Variants in LYPLA2 observed in about 807,000 individuals in gnomAD.
LYPLA2 encodes acyl-protein thioesterase 2.
LYPLA2 carries 7 observed loss-of-function variants against 30.3 expected under a neutral mutation model. The ratio of observed to expected loss-of-function variants is 0.23; its 90% CI spans 0.13 to 0.43. The LOEUF (loss-of-function observed/expected upper bound fraction) is 0.43, where lower values mean the gene tolerates loss of function less well. Ranked by LOEUF, LYPLA2 falls within the 20% of genes least tolerant of loss-of-function variation. The pLI is 1.00. For missense variants in LYPLA2, 206 were observed against 307.9 expected, an observed-to-expected ratio of 0.67 and a Z score of 2.48; for synonymous variants, 112 against 118.2, an observed-to-expected ratio of 0.95 and a Z score of 0.34.
At chr1:23,792,277 G>C (rs989188666) in intron 1 of LYPLA2, among the ~76,000 whole-genome samples, 1 of 152,080 alleles carries the variant, frequency 6.6e-6, no homozygotes, top group African/African-American at 2.4e-5. Flanking sequence ...GGGACCCAGG[G>C]ATGATTGGAG....
chr1:23,793,808 C>T lies in LYPLA2; in HGVS notation c.225-52C>T. ...ACGAGGACACTTGGGCTGAGGGAGC[C>T]ACAGGGGGCTGGCTGGGGTTTTCTA... On this transcript the variant is annotated intron_variant, in intron 5 of 9. Coordinates refer to ENST00000374514, the MANE Select transcript of LYPLA2 (RefSeq NM_007260.3). The surrounding 1 kb of genome is among the most constrained non-coding windows in gnomAD (Gnocchi z 6.0). 6.2e-7 allele frequency: 1 copy of T among 1,611,712 alleles called. No homozygotes were observed. Among genetic ancestry groups the T allele is most frequent in the Non-Finnish European group, 8.5e-7 (1 of 1,177,828 alleles).
chr1:23,793,313 G>GGGGCTT lies in LYPLA2; in HGVS notation c.176+103_176+108dup. On this transcript the variant is annotated intron_variant, in intron 4 of 9. Coordinates refer to ENST00000374514, the MANE Select transcript of LYPLA2 (RefSeq NM_007260.3). The surrounding 1 kb of genome is among the most constrained non-coding windows in gnomAD (Gnocchi z 6.0). ...TGTTCTCTCCTGTCAGTTGCATCCT[G>GGGGCTT]GGGCTTGGGCTCAGGGCAGTCAGAA... 7.6e-7 allele frequency: 1 copy of GGGGCTT among 1,315,898 alleles called. No individual in the cohort carries two copies. Among genetic ancestry groups the GGGGCTT allele is most frequent in the Non-Finnish European group, 1.1e-6 (1 of 922,598 alleles). The allele number at this position is 1,315,898 out of a possible 1,614,324, so 81.5% of individuals were successfully genotyped here. A position where few individuals can be genotyped will look rare whatever the true frequency, so the allele number is the denominator to read the frequency against.
In LYPLA2 at chr1:23,793,200, T is replaced by A; in HGVS notation, c.160T>A (p.Tyr54Asn). Reference sequence around the variant, plus strand: ...CACCATCCGGCTCCCTCACGTCAAGTACATCTGTCCCCATGCGTGAGTGTC... The same window carrying A: ...CACCATCCGGCTCCCTCACGTCAAGAACATCTGTCCCCATGCGTGAGTGTC... ...LSTIRLPHVK[Y>N]ICPHAPRIPV... The change falls in exon 4 of 10, where the codon TAC (tyrosine) becomes AAC (asparagine). Residue 54 changes from tyrosine (Y) to asparagine (N), a missense_variant. Tyr to Asn is a moderately radical substitution (Grantham distance 143, BLOSUM62 -2). Transcript: ENST00000374514. This position sits in a 1 kb window ranked among gnomAD's most constrained non-coding sequence, Gnocchi z 6.0. The A allele has an allele frequency of 6.2e-7, 1 of 1,613,866 alleles. No homozygotes were observed. The highest frequency in any genetic ancestry group is 1.7e-4 in the Middle Eastern group (1 of 5,942).
chr1:23,793,842 A>T lies in LYPLA2; in HGVS notation c.225-18A>T, dbSNP rs1238377651. 6.2e-7 allele frequency: 1 copy of T among 1,613,488 alleles called. No homozygotes were observed. The highest frequency in any genetic ancestry group is 8.5e-7 in the Non-Finnish European group (1 of 1,179,422). ...CTGGCTGGGGTTTTCTATAGCTGCC[A>T]GTGCCTCTACTCCCAAGGTTTGACC... On this transcript the variant is annotated intron_variant, in intron 5 of 9. Transcript: ENST00000374514. The surrounding 1 kb of genome is among the most constrained non-coding windows in gnomAD (Gnocchi z 6.0).
rs945865912 is a variant in LYPLA2 at position 23,793,227 on chromosome 1, C to T, written c.176+11C>T. On this transcript the variant is annotated intron_variant, in intron 4 of 9. Coordinates refer to ENST00000374514, the MANE Select transcript of LYPLA2 (RefSeq NM_007260.3). This position sits in a 1 kb window ranked among gnomAD's most constrained non-coding sequence, Gnocchi z 6.0. Reference sequence around the variant, plus strand: ...CATCTGTCCCCATGCGTGAGTGTCACCCCAGCAAGGGAGGGGCTGAGGCTG... The same window carrying T: ...CATCTGTCCCCATGCGTGAGTGTCATCCCAGCAAGGGAGGGGCTGAGGCTG... The T allele has an allele frequency of 6.2e-7, 1 of 1,612,766 alleles. No individual in the cohort carries two copies. Among genetic ancestry groups the T allele is most frequent in the African/African-American group, 1.3e-5 (1 of 74,888 alleles).
rs1638784093 is a variant in LYPLA2, at chr1:23,791,212, G to T, written c.-65G>T. The T allele has an allele frequency of 6.5e-6, 1 of 152,722 alleles. No individual in the cohort carries two copies. The highest frequency in any genetic ancestry group is 2.1e-4 in the South Asian group (1 of 4,828). The allele number at this position is 152,722 out of a possible 1,614,324, so 9.5% of individuals were successfully genotyped here. A position where few individuals can be genotyped will look rare whatever the true frequency, so the allele number is the denominator to read the frequency against. ...GAGTGTGTCTGCGGGAGAAAGAGGA[G>T]AATCGCCCAAGCGGCCTCGGAAGTC... On this transcript the variant is annotated 5_prime_UTR_variant, in exon 1 of 10. Transcript: ENST00000374514.
rs561607368 is a variant in LYPLA2 at position 23,792,631 on chromosome 1, C to G, written c.-26-26C>G. On this transcript the variant is annotated intron_variant, in intron 1 of 9. Transcript: ENST00000374514. ...AGTGTGTCCTGTGCCTGGTTTTGCT[C>G]TTGACCGCCGCCCCGATGTATGCAG... 98 of 1,534,172 alleles carry G rather than the reference C, an allele frequency of 6.4e-5. No homozygotes were observed. In the South Asian group the frequency reaches 1.0e-3, roughly 16 times the overall value.
In LYPLA2 at chr1:23,794,674, C is replaced by CT; in HGVS notation, c.646-8_646-7insT. On this transcript the variant is annotated splice_polypyrimidine_tract_variant and splice_region_variant and intron_variant, in intron 9 of 9. Transcript: ENST00000374514. This position sits in a 1 kb window ranked among gnomAD's most constrained non-coding sequence, Gnocchi z 5.9. ...GTGCCTCTCGTGATCCCCTCTTAATCCCCTCAGGAGATGGCAGCTGTGAAG... is the reference window on the plus strand; with the variant it reads ...GTGCCTCTCGTGATCCCCTCTTAATCTCCCTCAGGAGATGGCAGCTGTGAAG... 1 of 1,614,228 alleles carries CT rather than the reference C, an allele frequency of 6.2e-7. No homozygotes were observed. The highest frequency in any genetic ancestry group is 8.5e-7 in the Non-Finnish European group (1 of 1,180,042).
Position 23,791,236 on chromosome 1 carries a change from T to C in LYPLA2, c.-41T>C, listed in dbSNP as rs1318750972. On this transcript the variant is annotated 5_prime_UTR_variant, in exon 1 of 10. Coordinates refer to ENST00000374514, the MANE Select transcript of LYPLA2 (RefSeq NM_007260.3). ...AGAATCGCCCAAGCGGCCTCGGAAG[T>C]CCCAGGGAGTGGAGGTACCCAGCCG... The C allele has an allele frequency of 6.6e-6, 1 of 151,130 alleles. No homozygotes were observed. The highest frequency in any genetic ancestry group is 1.5e-5 in the Non-Finnish European group (1 of 67,862). 9.4% of individuals were successfully genotyped at this position (151,130 alleles called of 1,614,324 possible). A position where few individuals can be genotyped will look rare whatever the true frequency, so the allele number is the denominator to read the frequency against.
At position 23,794,164 on chromosome 1, in the gene LYPLA2, G is replaced by T; in HGVS notation, c.369+28G>T. ...GAGGGGAGAGGGGTGGGGGGGTAGG[G>T]GGTAGGGGTGGCCGGTGAGTGAGCT... On this transcript the variant is annotated intron_variant, in intron 7 of 9. Transcript: ENST00000374514. The surrounding 1 kb of genome is among the most constrained non-coding windows in gnomAD (Gnocchi z 5.9). The T allele has an allele frequency of 1.0e-6, 1 of 997,550 alleles. No homozygotes were observed. The highest frequency in any genetic ancestry group is 2.5e-5 in the East Asian group (1 of 40,558). The allele number at this position is 997,550 out of a possible 1,614,324, so 61.8% of individuals were successfully genotyped here.
rs1638820030 is a variant in LYPLA2 at position 23,792,666 on chromosome 1, G to A, written c.-17G>A. The A allele has an allele frequency of 1.9e-6, 3 of 1,610,360 alleles. No homozygotes were observed. The highest frequency in any genetic ancestry group is 1.7e-6 in the Non-Finnish European group (2 of 1,179,046). On this transcript the variant is annotated 5_prime_UTR_variant, in exon 2 of 10. The change creates a new upstream start codon in the 5' untranslated region. Transcript: ENST00000374514. Reference sequence around the variant, plus strand: ...GCCCCGATGTATGCAGGCCCCCGCCGTGGAGCCGTGTGGTGTATGTGTGGT... The same window carrying A: ...GCCCCGATGTATGCAGGCCCCCGCCATGGAGCCGTGTGGTGTATGTGTGGT...
chr1:23,794,952 T>C lies in LYPLA2; in HGVS notation c.*220T>C. 1.4e-6 allele frequency: 1 copy of C among 703,468 alleles called. No individual in the cohort carries two copies. Among genetic ancestry groups the C allele is most frequent in the Admixed American group, 2.0e-5 (1 of 49,782 alleles). 43.6% of individuals were successfully genotyped at this position (703,468 alleles called of 1,614,324 possible). On this transcript the variant is annotated 3_prime_UTR_variant, in exon 10 of 10. Coordinates refer to ENST00000374514, the MANE Select transcript of LYPLA2 (RefSeq NM_007260.3). The surrounding 1 kb of genome is among the most constrained non-coding windows in gnomAD (Gnocchi z 5.9). ...GCAGCAGGGGCAGGCTGCTTTCTTA[T>C]CCATTTCCCTGGAGGCGGGCCCCCC...
In LYPLA2 at chr1:23,794,390, A is replaced by C; in HGVS notation, c.472-37A>C. 3 of 1,611,580 alleles carry C rather than the reference A, an allele frequency of 1.9e-6. No individual in the cohort carries two copies. In the South Asian group the frequency reaches 3.3e-5, roughly 18 times the overall value. ...ATCCTCGTGGCTTGGGGACTGCTGC[A>C]GCACTAGCTTTGCCCTGAGTCCTGT... is the stretch of plus-strand genomic sequence containing the variant. On this transcript the variant is annotated intron_variant, in intron 8 of 9. Coordinates refer to ENST00000374514, the MANE Select transcript of LYPLA2 (RefSeq NM_007260.3). This position sits in a 1 kb window ranked among gnomAD's most constrained non-coding sequence, Gnocchi z 5.9.
rs889857350 is a variant in LYPLA2, at chr1:23,795,474, T to A, written c.*742T>A. 4 of 221,796 alleles carry A rather than the reference T, an allele frequency of 1.8e-5. No individual in the cohort carries two copies. Among genetic ancestry groups the A allele is most frequent in the Admixed American group, 5.3e-5 (1 of 18,980 alleles). 13.7% of individuals were successfully genotyped at this position (221,796 alleles called of 1,614,324 possible). A position where few individuals can be genotyped will look rare whatever the true frequency, so the allele number is the denominator to read the frequency against. On this transcript the variant is annotated 3_prime_UTR_variant, in exon 10 of 10. Coordinates refer to ENST00000374514, the MANE Select transcript of LYPLA2 (RefSeq NM_007260.3). Reference sequence around the variant, plus strand: ...TTGTGTCTCGTCTTCTGTCTCCATGTGGTTTTTGGGTGTTTTTCTTGTTGT... The same window carrying A: ...TTGTGTCTCGTCTTCTGTCTCCATGAGGTTTTTGGGTGTTTTTCTTGTTGT...
In LYPLA2 at chr1:23,795,537, C is replaced by T. The variant is rs965370085; in HGVS notation, c.*805C>T. On this transcript the variant is annotated 3_prime_UTR_variant, in exon 10 of 10. Coordinates refer to ENST00000374514, the MANE Select transcript of LYPLA2 (RefSeq NM_007260.3). ...GATAAAATTAAAGAAATTGCTTCCT[C>T]AACGCTCAGGCCTGGCTGATTCTAT... The T allele has an allele frequency of 4.0e-6, 1 of 249,290 alleles. No individual in the cohort carries two copies. Among genetic ancestry groups the T allele is most frequent in the African/African-American group, 2.3e-5 (1 of 44,018 alleles). 15.4% of individuals were successfully genotyped at this position (249,290 alleles called of 1,614,324 possible).
Position 23,792,667 on chromosome 1 carries a change from T to G in LYPLA2, c.-16T>G. The G allele has an allele frequency of 6.2e-7, 1 of 1,610,770 alleles. No homozygotes were observed. The highest frequency in any genetic ancestry group is 2.2e-5 in the East Asian group (1 of 44,878). ...CCCCGATGTATGCAGGCCCCCGCCG[T>G]GGAGCCGTGTGGTGTATGTGTGGTA... On this transcript the variant is annotated 5_prime_UTR_variant, in exon 2 of 10. Transcript: ENST00000374514.
At position 23,793,276 on chromosome 1, in the gene LYPLA2, T is replaced by C; in HGVS notation, c.176+60T>C. 2.0e-6 allele frequency: 3 copies of C among 1,535,594 alleles called. No homozygotes were observed. The highest frequency in any genetic ancestry group is 2.7e-6 in the Non-Finnish European group (3 of 1,111,430). ...TGGGGATCATCTGGGGGTGGTCCTG[T>C]CATCCCAGGCCTGTTCTCTCCTGTC... On this transcript the variant is annotated intron_variant, in intron 4 of 9. Transcript: ENST00000374514. This position sits in a 1 kb window ranked among gnomAD's most constrained non-coding sequence, Gnocchi z 6.0.
At position 23,793,252 on chromosome 1, in the gene LYPLA2, G is replaced by T. The variant is rs1364851638; in HGVS notation, c.176+36G>T. 4 of 1,602,676 alleles carry T rather than the reference G, an allele frequency of 2.5e-6. No homozygotes were observed. Among genetic ancestry groups the T allele is most frequent in the Non-Finnish European group, 3.4e-6 (4 of 1,171,168 alleles). ...CCCCAGCAAGGGAGGGGCTGAGGCT[G>T]GGGATCATCTGGGGGTGGTCCTGTC... is the stretch of plus-strand genomic sequence containing the variant. On this transcript the variant is annotated intron_variant, in intron 4 of 9. Coordinates refer to ENST00000374514, the MANE Select transcript of LYPLA2 (RefSeq NM_007260.3). This position sits in a 1 kb window ranked among gnomAD's most constrained non-coding sequence, Gnocchi z 6.0.
chr1:23,794,639 C>T lies in LYPLA2; in HGVS notation c.645+39C>T, dbSNP rs750725625. The T allele has an allele frequency of 1.9e-6, 3 of 1,614,146 alleles. No individual in the cohort carries two copies. The highest frequency in any genetic ancestry group is 1.7e-5 in the Admixed American group (1 of 60,028). On this transcript the variant is annotated intron_variant, in intron 9 of 9. Transcript: ENST00000374514. This position sits in a 1 kb window ranked among gnomAD's most constrained non-coding sequence, Gnocchi z 5.9. ...CCATTTCCCACTCCCACTTCTCTGC[C>T]TCCAGCCAGGTGCCTCTCGTGATCC...
Sources: allele counts gnomAD v4.1 joint callset (sites outside exome capture counted in the v4.1 genomes callset), GRCh38; gene constraint gnomAD v4.1.1; non-coding constraint Gnocchi (gnomAD v3.1); transcripts MANE v1.5; gene names NCBI Gene and HGNC (gene_info 2026-07-23, HGNC 2026-07-21).